Variants in ACSL3 observed in about 807,000 individuals in gnomAD.
ACSL3 encodes acyl-CoA synthetase long chain family member 3, also known as fatty acid CoA ligase Acsl3.
Under a neutral mutation model 84.7 loss-of-function variants are expected in ACSL3, and 34 were observed. The ratio of observed to expected loss-of-function variants is 0.40; its 90% CI spans 0.31 to 0.53. The LOEUF is 0.53. Ranked by LOEUF, ACSL3 falls within the 20% of genes least tolerant of loss-of-function variation. The pLI is 0.48. For synonymous variants in ACSL3, 315 were observed against 299.4 expected, an observed-to-expected ratio of 1.05 and a Z score of -0.54; for missense variants, 680 against 873.1, an observed-to-expected ratio of 0.78 and a Z score of 2.79.
chr2:222,872,052 C>T (rs1695317525), intron 1 of ACSL3, among the ~76,000 whole-genome samples: 1 of 151,876 alleles, frequency 6.6e-6, no homozygotes, highest in Non-Finnish European at 1.5e-5. Context: ...AAATGCTCAA[C>T]AGGGAAAAGT....
intron 15 of ACSL3, chr2:222,933,559 A>G (rs953441590): frequency 2.1e-5 from 5 of 235,356 alleles, no homozygotes. Context: ...CTGCCTTGGT[A>G]CCCCTACCTA....
At position 222,934,591 on chromosome 2, in the gene ACSL3, C is replaced by A; in HGVS notation, c.1909C>A (p.Arg637=). ...PNQKELTELA[R]KKGLKGTWEE... is the part of the protein sequence containing the mutation. ...TCAAAAGGAACTAACTGAACTAGCT[C>A]GAAAGAAAGGACTTAAAGGGACTTG... Residue 637 remains arginine (R), a synonymous_variant, in exon 16 of 17, where the codon CGA becomes AGA. Coordinates refer to ENST00000357430, the MANE Select transcript of ACSL3 (RefSeq NM_004457.5). 3.7e-6 allele frequency: 6 copies of A among 1,603,034 alleles called. No homozygotes were observed. Among genetic ancestry groups the A allele is most frequent in the Non-Finnish European group, 5.1e-6 (6 of 1,175,168 alleles).
At chr2:222,893,945 C>T (rs1695906260) in intron 2 of ACSL3, among the ~76,000 whole-genome samples, 1 of 152,178 alleles carries the variant, frequency 6.6e-6, no homozygotes, top group Non-Finnish European at 1.5e-5. Context: ...ATCCTCCCAC[C>T]TCAGCCTCCA....
In ACSL3 at chr2:222,943,368, T is replaced by C. The variant is rs115679023; in HGVS notation, c.*1714T>C. ...GAATGGAACTTCTATATGAGGATGC[T>C]GTGATCTAAAAATTAAATCTCAGTG... is the stretch of plus-strand genomic sequence containing the variant. On this transcript the variant is annotated 3_prime_UTR_variant, in exon 17 of 17. Coordinates refer to ENST00000357430, the MANE Select transcript of ACSL3 (RefSeq NM_004457.5). 2,345 of 185,232 alleles carry C rather than the reference T, an allele frequency of 0.013. 17 individuals are homozygous for C. Among genetic ancestry groups the C allele is most frequent in the Middle Eastern group, 0.03 (15 of 502 alleles). The allele number at this position is 185,232 out of a possible 1,614,324, so 11.5% of individuals were successfully genotyped here.
At chr2:222,927,740 T>A (rs1019019771) in intron 12 of ACSL3, among the ~76,000 whole-genome samples, 54 of 152,186 alleles carry the variant, frequency 3.5e-4, no homozygotes, top group Admixed American at 1.3e-3. Context: ...GCGTCCCTTT[T>A]ATGGGAGAAA....
At chr2:222,902,892 T>C (rs1348869152) in intron 3 of ACSL3, among the ~76,000 whole-genome samples, 1 of 152,184 alleles carries the variant, frequency 6.6e-6, no homozygotes, top group African/African-American at 2.4e-5. Flanking sequence ...GGGTCACGGG[T>C]TTCAACCTGG....
intron 16 of ACSL3, 132 bp from the exon 17 acceptor site, chr2:222,941,365 T>C (rs1488968523): frequency 3.1e-6 from 2 of 647,720 alleles, no homozygotes; most frequent in East Asian, 5.6e-5. Flanking sequence ...AGGAATAGAT[T>C]CTTTAGAAGT....
At chr2:222,923,245 T>C (rs1207061855) in intron 10 of ACSL3, 96 bp downstream of exon 10, 1 of 1,031,778 alleles carries the variant, frequency 9.7e-7, no homozygotes, top group Non-Finnish European at 1.5e-6. Context: ...GACAAGGTAG[T>C]TTATGTAGGA....
At chr2:222,863,341 A>G (rs1036821448) in intron 1 of ACSL3, among the ~76,000 whole-genome samples, 7 of 152,212 alleles carry the variant, frequency 4.6e-5, no homozygotes, top group African/African-American at 1.7e-4. Context: ...CTGAGCCTGC[A>G]ATTATGTACA....
intron 3 of ACSL3, 86 bp from the exon 4 acceptor site, chr2:222,908,647 A>G (rs1696358869): frequency 1.0e-6 from 1 of 961,706 alleles, no homozygotes; most frequent in East Asian, 2.6e-5. Context: ...GATAGAAAAA[A>G]AAAAATCTTC....
chr2:222,928,749 A>C (rs1696948373), intron 12 of ACSL3, 113 bp from the exon 13 acceptor site: 2 of 886,954 alleles, frequency 2.3e-6, no homozygotes, highest in Non-Finnish European at 3.6e-6. Flanking sequence ...CTTTTAAGGA[A>C]TAGCTGGGGA....
chr2:222,918,286 C>T, intron 6 of ACSL3, 131 bp downstream of exon 6: 1 of 476,282 alleles, frequency 2.1e-6, no homozygotes, highest in Non-Finnish European at 3.7e-6. Flanking sequence ...GAATATCATA[C>T]TTTATTTTTT....
intron 2 of ACSL3, among the ~76,000 whole-genome samples, chr2:222,888,796 C>T (rs1045243869): frequency 5.9e-5 from 9 of 152,282 alleles, no homozygotes; most frequent in Admixed American, 3.9e-4. Context: ...GCTTTGTTTG[C>T]GTATCCAAGA....
At chr2:222,912,936 A>C (rs1356394068) in intron 4 of ACSL3, among the ~76,000 whole-genome samples, 3 of 152,252 alleles carry the variant, frequency 2.0e-5, no homozygotes, top group African/African-American at 7.2e-5. Context: ...TGTTCCCAGC[A>C]GTAAATGCAT....
intron 4 of ACSL3, among the ~76,000 whole-genome samples, chr2:222,914,303 G>T (rs1696521522): frequency 6.6e-6 from 1 of 150,826 alleles, no homozygotes; most frequent in Admixed American, 6.6e-5. Context: ...TCTCACTCTT[G>T]CCCAGGCTGG....
In ACSL3 at chr2:222,928,798, T is replaced by A. The variant is rs1696949624; in HGVS notation, c.1466-64T>A. ...GGATAAATAATCATTTTTGGTAATT[T>A]AGAAAAATGAAGCAGTGTATTAGCT... On this transcript the variant is annotated intron_variant, in intron 12 of 16. Coordinates refer to ENST00000357430, the MANE Select transcript of ACSL3 (RefSeq NM_004457.5). 2.2e-5 allele frequency: 29 copies of A among 1,307,744 alleles called. 1 individual carries two copies. In the South Asian group the frequency reaches 3.6e-4, roughly 16 times the overall value. The allele number at this position is 1,307,744 out of a possible 1,614,324, so 81.0% of individuals were successfully genotyped here.
At chr2:222,938,068 G>A (rs1697222618) in intron 16 of ACSL3, among the ~76,000 whole-genome samples, 1 of 151,992 alleles carries the variant, frequency 6.6e-6, no homozygotes, top group Non-Finnish European at 1.5e-5. Flanking sequence ...ATAAAAACTT[G>A]ACTCCTTTGT....
At position 222,905,825 on chromosome 2, in the gene ACSL3, G is replaced by A. The variant is rs189657094; in HGVS notation, c.-40-2908G>A. Reference sequence around the variant, plus strand: ...GAGGTGTTCCTTAACTTGTAAAATCGATTTGGATTTTTGGTATTTTAAGCA... The same window carrying A: ...GAGGTGTTCCTTAACTTGTAAAATCAATTTGGATTTTTGGTATTTTAAGCA... On this transcript the variant is annotated intron_variant, in intron 3 of 16. Transcript: ENST00000357430. Among the ~76,000 whole-genome samples, 7 of 151,782 alleles carry A rather than the reference G, an allele frequency of 4.6e-5. No individual in the cohort carries two copies. The South Asian group carries it at 1.3e-3, about 27-fold the overall frequency.
At chr2:222,906,899 T>G (rs1236206645) in intron 3 of ACSL3, among the ~76,000 whole-genome samples, 2 of 152,174 alleles carry the variant, frequency 1.3e-5, no homozygotes, top group Non-Finnish European at 2.9e-5. Flanking sequence ...TCATCATAAT[T>G]GCTTACCACC....
Sources: gnomAD v4.1 joint callset for allele counts (sites outside exome capture counted in the v4.1 genomes callset) on GRCh38, gnomAD v4.1.1 for gene constraint, MANE v1.5 for transcripts, NCBI Gene and HGNC (gene_info 2026-07-23, HGNC 2026-07-21) for gene names.